Variants in CBLB observed in about 807,000 individuals in gnomAD.
CBLB encodes the protein E3 ubiquitin-protein ligase CBL-B.
CBLB carries 31 observed loss-of-function variants against 104.9 expected under a neutral mutation model. That is an observed-to-expected ratio of 0.30 (90% CI 0.22 to 0.40). CBLB has a LOEUF of 0.40. CBLB is among the 10% of genes least tolerant of loss of function. The pLI, the probability that CBLB is intolerant of heterozygous loss-of-function variation, is 1.00. For synonymous variants in CBLB, 440 were observed against 422.6 expected (o/e 1.04, Z -0.51); for missense variants, 1,062 against 1,214.6 (o/e 0.87, Z 1.87).
At chr3:105,702,781 G>A (rs907561135) in intron 11 of CBLB, among the ~76,000 whole-genome samples, 1 of 152,124 alleles carries the variant, frequency 6.6e-6, no homozygotes, top group Non-Finnish European at 1.5e-5. Context: ...AAAAGAATAT[G>A]TCAATAATTT....
intron 18 of CBLB, among the ~76,000 whole-genome samples, chr3:105,667,730 A>G (rs1266092830): frequency 6.6e-6 from 1 of 152,206 alleles, no homozygotes; most frequent in Non-Finnish European, 1.5e-5. Flanking sequence ...TACATTTTAA[A>G]CTTCTTTAGA....
chr3:105,843,100 G>A (rs1030176573), intron 3 of CBLB, among the ~76,000 whole-genome samples: 2 of 152,162 alleles, frequency 1.3e-5, no homozygotes, highest in African/African-American at 2.4e-5. Flanking sequence ...TCCTAGTACA[G>A]AGGCAACGCT....
intron 3 of CBLB, among the ~76,000 whole-genome samples, chr3:105,852,671 C>CACTTTCAGAGCA (rs60080110): frequency 0.91 from 138,641 of 151,998 alleles, 63,523 homozygotes; most frequent in Non-Finnish European, 0.96. Context: ...TTCACTCACT[C>CACTTTCAGAGCA]ACTTCCAGTC....
At chr3:105,753,937 G>A (rs926190151) in intron 4 of CBLB, among the ~76,000 whole-genome samples, 4 of 152,230 alleles carry the variant, frequency 2.6e-5, no homozygotes, top group East Asian at 1.9e-4. Flanking sequence ...CAGTACTTGT[G>A]TAAATGAAAC....
chr3:105,678,403 A>G, intron 17 of CBLB, 28 bp downstream of exon 17: 1 of 1,610,842 alleles, frequency 6.2e-7, no homozygotes, highest in Non-Finnish European at 8.5e-7. Context: ...CTTTAAGTGA[A>G]TAGTTTTCTT....
At chr3:105,851,891 G>A (rs1206606476) in intron 3 of CBLB, among the ~76,000 whole-genome samples, 3 of 152,100 alleles carry the variant, frequency 2.0e-5, no homozygotes, top group Non-Finnish European at 4.4e-5. Flanking sequence ...CTATCACCTA[G>A]TGATGTCATA....
rs563619951 is a variant in CBLB at position 105,786,865 on chromosome 3, C to T, written c.420-10323G>A. 6.6e-5 allele frequency among the ~76,000 whole-genome samples: 10 copies of T among 152,284 alleles called. No individual in the cohort carries two copies. In the South Asian group the frequency reaches 2.1e-3, roughly 32 times the overall value. ...ACATGTGTTCTTTGTCATATAACGT[C>T]ATGAAAGAAATGGTATAGCTGAACC... is the stretch of plus-strand genomic sequence containing the variant. On this transcript the variant is annotated intron_variant, in intron 3 of 18. Coordinates refer to ENST00000394030, the MANE Select transcript of CBLB (RefSeq NM_170662.5).
intron 6 of CBLB, among the ~76,000 whole-genome samples, chr3:105,743,612 T>G (rs377300051): frequency 6.6e-6 from 1 of 151,896 alleles, no homozygotes; most frequent in Non-Finnish European, 1.5e-5. Flanking sequence ...ACCCCATAAC[T>G]CATATTTTGT....
intron 10 of CBLB, among the ~76,000 whole-genome samples, chr3:105,709,021 C>CTTTTTTTTTT: frequency 6.6e-6 from 1 of 151,890 alleles, no homozygotes; most frequent in African/African-American, 2.4e-5. Flanking sequence ...CTTGTTATTT[C>CTTTTTTTTTT]TTATTTTGTC....
At chr3:105,828,723 G>A (rs1202281640) in intron 3 of CBLB, among the ~76,000 whole-genome samples, 1 of 152,120 alleles carries the variant, frequency 6.6e-6, no homozygotes, top group Non-Finnish European at 1.5e-5. Context: ...TTGTAAGAGA[G>A]ATGATTATAC....
chr3:105,834,420 G>A (rs1405029737), intron 3 of CBLB, among the ~76,000 whole-genome samples: 2 of 152,192 alleles, frequency 1.3e-5, no homozygotes, highest in African/African-American at 4.8e-5. Flanking sequence ...ACTTTGGGAG[G>A]CCGAGGCGGG....
At chr3:105,744,133 T>C (rs2152890340) in intron 6 of CBLB, among the ~76,000 whole-genome samples, 1 of 152,310 alleles carries the variant, frequency 6.6e-6, no homozygotes, top group African/African-American at 2.4e-5. Flanking sequence ...ACCTGGCTGT[T>C]GTTCTCAATA....
At chr3:105,685,830 T>C (rs2066933689) in intron 13 of CBLB, among the ~76,000 whole-genome samples, 1 of 152,174 alleles carries the variant, frequency 6.6e-6, no homozygotes, top group Non-Finnish European at 1.5e-5. Flanking sequence ...ATTAAATGGG[T>C]AAAATATGAT....
intron 2 of CBLB, among the ~76,000 whole-genome samples, chr3:105,855,802 T>A (rs2091529698): frequency 6.6e-6 from 1 of 152,240 alleles, no homozygotes; most frequent in South Asian, 2.1e-4. Flanking sequence ...TTTGTGGATT[T>A]TTCTCATTCT....
chr3:105,824,065 A>G (rs1461822664), intron 3 of CBLB: 1 of 152,134 alleles, frequency 6.6e-6, no homozygotes, highest in African/African-American at 2.4e-5. Context: ...CTGCTTTCCT[A>G]ACTTTGGTCC....
At chr3:105,710,336 T>G (rs2070884387) in intron 10 of CBLB, among the ~76,000 whole-genome samples, 1 of 151,860 alleles carries the variant, frequency 6.6e-6, no homozygotes, top group Admixed American at 6.6e-5. Flanking sequence ...CAAATATAAG[T>G]ATGGAAAAAT....
At chr3:105,673,868 G>A (rs985991457) in intron 17 of CBLB, 7 of 152,166 alleles carry the variant, frequency 4.6e-5, no homozygotes, top group African/African-American at 7.2e-5. Flanking sequence ...GACAACTCTC[G>A]TCTACATCCA....
intron 3 of CBLB, among the ~76,000 whole-genome samples, chr3:105,826,826 T>A (rs1319829600): frequency 6.6e-6 from 1 of 152,202 alleles, no homozygotes; most frequent in Non-Finnish European, 1.5e-5. Context: ...GAGGATTTTC[T>A]ATGTTGGTAT....
At chr3:105,806,715 T>A (rs948951864) in intron 3 of CBLB, among the ~76,000 whole-genome samples, 1 of 152,120 alleles carries the variant, frequency 6.6e-6, no homozygotes, top group African/African-American at 2.4e-5. Context: ...TTACTTTTAA[T>A]TTTCAGTGGC....
Sources: gnomAD v4.1 joint callset for allele counts (sites outside exome capture counted in the v4.1 genomes callset) on GRCh38, gnomAD v4.1.1 for gene constraint, MANE v1.5 for transcripts, NCBI Gene and HGNC (gene_info 2026-07-23, HGNC 2026-07-21) for gene names.